Variants in CADPS2 observed in about 807,000 individuals in gnomAD.
The protein encoded by CADPS2 is calcium-dependent secretion activator 2.
Under a neutral mutation model 172.5 loss-of-function variants are expected in CADPS2, and 93 were observed. That is an observed-to-expected ratio of 0.54 (90% CI 0.46 to 0.64). CADPS2 has a LOEUF of 0.64. Among genes scored for constraint, CADPS2 ranks in the 30% least tolerant of loss-of-function variants. The probability of loss-of-function intolerance (pLI) is 0.00; values close to 1 mark genes in which losing one functional copy is unlikely to be tolerated. For synonymous variants in CADPS2, 546 were observed against 555.2 expected (o/e 0.98, Z 0.23); for missense variants, 1,420 against 1,565.9 (o/e 0.91, Z 1.57).
chr7:122,801,068 G>T (rs1223831478), intron 1 of CADPS2, among the ~76,000 whole-genome samples: 1 of 146,236 alleles, frequency 6.8e-6, no homozygotes, highest in Non-Finnish European at 1.5e-5. Context: ...TTGGGCTAAA[G>T]AGAAAATTAA....
chr7:122,522,415 CCT>C (rs2060879939), intron 8 of CADPS2, among the ~76,000 whole-genome samples: 1 of 151,696 alleles, frequency 6.6e-6, no homozygotes. Context: ...GCATCTGGCC[CCT>C]TTTTATTAAA....
chr7:122,739,997 A>C (rs1210804659), intron 1 of CADPS2, among the ~76,000 whole-genome samples: 1 of 152,174 alleles, frequency 6.6e-6, no homozygotes, highest in Non-Finnish European at 1.5e-5. Context: ...GTTCCACCTC[A>C]TGTCATCAGG....
chr7:122,472,712 G>A (rs2152181149), intron 13 of CADPS2, among the ~76,000 whole-genome samples: 1 of 152,248 alleles, frequency 6.6e-6, no homozygotes, highest in Middle Eastern at 3.4e-3. Context: ...CTATGTGTTT[G>A]TCCATGAAAA....
intron 20 of CADPS2, among the ~76,000 whole-genome samples, chr7:122,403,450 A>T (rs1038992757): frequency 6.6e-6 from 1 of 152,248 alleles, no homozygotes; most frequent in East Asian, 1.9e-4. Context: ...CTGAGTGCTC[A>T]AAAGAGATTA....
In CADPS2 at chr7:122,588,340, T is replaced by C. The variant is rs566945605; in HGVS notation, c.1224-7050A>G. Among the ~76,000 whole-genome samples the C allele has an allele frequency of 6.6e-5, 10 of 152,192 alleles. No homozygotes were observed. In the South Asian group the frequency reaches 1.5e-3, roughly 22 times the overall value. On this transcript the variant is annotated intron_variant, in intron 6 of 29. Transcript: ENST00000449022. Reference sequence around the variant, plus strand: ...GGTTTATATACTTTTGGGTTTTACATTTAAATCTTTAATCCATCTTGAGTT... The same window carrying C: ...GGTTTATATACTTTTGGGTTTTACACTTAAATCTTTAATCCATCTTGAGTT...
At chr7:122,788,841 GAA>G (rs1794647273) in intron 1 of CADPS2, among the ~76,000 whole-genome samples, 1 of 152,156 alleles carries the variant, frequency 6.6e-6, no homozygotes, top group South Asian at 2.1e-4. Flanking sequence ...GGGCCTAAGT[GAA>G]CTTGTCCTCC....
At chr7:122,428,632 T>C (rs981560378) in intron 17 of CADPS2, among the ~76,000 whole-genome samples, 16 of 151,988 alleles carry the variant, frequency 1.1e-4, no homozygotes, top group Non-Finnish European at 2.4e-4. Flanking sequence ...TATGCCTGGC[T>C]AAGTTTGTAT....
intron 3 of CADPS2, among the ~76,000 whole-genome samples, chr7:122,640,433 C>G (rs1399223210): frequency 6.7e-6 from 1 of 150,132 alleles, no homozygotes; most frequent in African/African-American, 2.5e-5. Flanking sequence ...ACTGAACCAT[C>G]AGAACTTAAA....
intron 2 of CADPS2, among the ~76,000 whole-genome samples, chr7:122,726,784 A>AAG (rs1199789351): frequency 4.6e-5 from 7 of 151,448 alleles, no homozygotes; most frequent in Non-Finnish European, 1.0e-4. Context: ...AAAAAAAAAA[A>AAG]AAAAACTATC....
At chr7:122,453,024 AT>A (rs1311426587) in intron 14 of CADPS2, among the ~76,000 whole-genome samples, 1 of 151,950 alleles carries the variant, frequency 6.6e-6, no homozygotes, top group African/African-American at 2.4e-5. Flanking sequence ...TAAGTATGAG[AT>A]TTTTTTTCCA....
At chr7:122,641,489 A>T (rs2077638661) in intron 3 of CADPS2, among the ~76,000 whole-genome samples, 1 of 152,076 alleles carries the variant, frequency 6.6e-6, no homozygotes, top group Non-Finnish European at 1.5e-5. Context: ...TCCCTTGGGG[A>T]ATTATTTGAA....
At chr7:122,825,282 GCATGAGGATAT>G (rs1804552948) in intron 1 of CADPS2, among the ~76,000 whole-genome samples, 1 of 152,116 alleles carries the variant, frequency 6.6e-6, no homozygotes, top group Non-Finnish European at 1.5e-5. Flanking sequence ...AATAACCCAA[GCATGAGGATAT>G]CATGCCATCA....
chr7:122,872,126 A>C (rs1819915663), intron 1 of CADPS2, among the ~76,000 whole-genome samples: 4 of 152,110 alleles, frequency 2.6e-5, no homozygotes, highest in African/African-American at 7.2e-5. Context: ...TTCTTATACC[A>C]AGATCTGTGG....
chr7:122,441,512 C>T lies in CADPS2; in HGVS notation c.2352G>A (p.Arg784=). 1 of 1,518,482 alleles carries T rather than the reference C, an allele frequency of 6.6e-7. No individual in the cohort carries two copies. Among genetic ancestry groups the T allele is most frequent in the East Asian group, 2.5e-5 (1 of 40,240 alleles). 94.1% of individuals were successfully genotyped at this position (1,518,482 alleles called of 1,614,324 possible). Reference sequence around the variant, plus strand: ...TTTATAAAGTAATGTTCAAACATACCCTTTCAAGTAATGAAAGTGTAGCTT... The same window carrying T: ...TTTATAAAGTAATGTTCAAACATACTCTTTCAAGTAATGAAAGTGTAGCTT... ...ALKATLSLLE[R]VLMKDIATPI... Residue 784 remains arginine (R), a splice_region_variant and synonymous_variant, in exon 16 of 30, where the codon AGG becomes AGA. Transcript: ENST00000449022.
chr7:122,631,479 A>G (rs540607755), intron 3 of CADPS2, among the ~76,000 whole-genome samples: 2 of 152,026 alleles, frequency 1.3e-5, no homozygotes, highest in East Asian at 3.9e-4. Context: ...AGTTCTCGCT[A>G]TGTTGCCCAG....
chr7:122,816,238 G>A (rs530334173), intron 1 of CADPS2, among the ~76,000 whole-genome samples: 98 of 117,384 alleles, frequency 8.3e-4, no homozygotes, highest in Middle Eastern at 5.3e-3. Flanking sequence ...CTATCTCCAC[G>A]AGATCAATTT....
At chr7:122,752,375 C>G (rs2092988214) in intron 1 of CADPS2, among the ~76,000 whole-genome samples, 1 of 151,960 alleles carries the variant, frequency 6.6e-6, no homozygotes, top group Non-Finnish European at 1.5e-5. Context: ...TTCTGAAATC[C>G]TGAGTATTAT....
intron 1 of CADPS2, among the ~76,000 whole-genome samples, chr7:122,829,726 T>C (rs1225620751): frequency 6.6e-6 from 1 of 151,652 alleles, no homozygotes; most frequent in Non-Finnish European, 1.5e-5. Context: ...AAAGGTGTCT[T>C]TTAAGAAAAC....
chr7:122,569,590 A>C (rs2066929683), intron 7 of CADPS2, among the ~76,000 whole-genome samples: 1 of 122,828 alleles, frequency 8.1e-6, no homozygotes, highest in African/African-American at 4.1e-5. Flanking sequence ...CCTAAGCCAA[A>C]AGAACAAAGC....
Sources: gnomAD v4.1 joint callset for allele counts (sites outside exome capture counted in the v4.1 genomes callset) on GRCh38, gnomAD v4.1.1 for gene constraint, MANE v1.5 for transcripts, NCBI Gene and HGNC (gene_info 2026-07-23, HGNC 2026-07-21) for gene names.